Variants in TUBA8 observed in about 807,000 individuals in gnomAD.
TUBA8 encodes the protein tubulin alpha 8.
In TUBA8, 29 loss-of-function variants were observed where a neutral mutation model predicts 34.7. The ratio of observed to expected loss-of-function variants is 0.84; its 90% CI spans 0.62 to 1.14. The LOEUF is 1.14. Ranked by LOEUF, TUBA8 falls within the 50% of genes most tolerant of loss-of-function variation. The pLI, the probability that TUBA8 is intolerant of heterozygous loss-of-function variation, is 0.00. For synonymous variants in TUBA8, 226 were observed against 231.2 expected, an observed-to-expected ratio of 0.98 and a Z score of 0.21; for missense variants, 541 against 599.2, an observed-to-expected ratio of 0.90 and a Z score of 1.01.
intron 4 of TUBA8, chr22:18,128,495 A>G (rs1352487906): frequency 6.6e-6 from 1 of 152,202 alleles, no homozygotes; most frequent in Non-Finnish European, 1.5e-5. Flanking sequence ...CATAACAGCT[A>G]CCACATTCAC....
intron 1 of TUBA8, chr22:18,120,102 G>C (rs1395272230): frequency 6.6e-6 from 1 of 151,934 alleles, no homozygotes; most frequent in African/African-American, 2.4e-5. Flanking sequence ...CACACACACT[G>C]TCTCTCTCCC....
chr22:18,131,206 CAG>C lies in TUBA8; in HGVS notation c.*72_*73del. On this transcript the variant is annotated 3_prime_UTR_variant, in exon 5 of 5. Coordinates refer to ENST00000330423, the MANE Select transcript of TUBA8 (RefSeq NM_018943.3). This position sits in a 1 kb window ranked among gnomAD's most constrained non-coding sequence, Gnocchi z 5.3. ...CATTCAAAGCACATGTTCAAGAGAACAGAACACTCTCCCCGCCCCAGCCTGAT... is the reference window on the plus strand; with the variant it reads ...CATTCAAAGCACATGTTCAAGAGAACAACACTCTCCCCGCCCCAGCCTGAT... 2 of 1,521,972 alleles carry C rather than the reference CAG, an allele frequency of 1.3e-6. No homozygotes were observed. Among genetic ancestry groups the C allele is most frequent in the Non-Finnish European group, 9.1e-7 (1 of 1,101,284 alleles). The allele number at this position is 1,521,972 out of a possible 1,614,324, so 94.3% of individuals were successfully genotyped here.
At position 18,124,085 on chromosome 22, in the gene TUBA8, T is replaced by G. The variant is rs1928242256; in HGVS notation, c.227-71T>G. 1 of 1,595,098 alleles carries G rather than the reference T, an allele frequency of 6.3e-7. No individual in the cohort carries two copies. The highest frequency in any genetic ancestry group is 8.6e-7 in the Non-Finnish European group (1 of 1,164,496). ...AGGTAGGGGAGAACGGAAGGGGTCC[T>G]GCGGTAGTGTGGTAGGGAGGGAGGC... is the stretch of plus-strand genomic sequence containing the variant. On this transcript the variant is annotated intron_variant, in intron 2 of 4. Coordinates refer to ENST00000330423, the MANE Select transcript of TUBA8 (RefSeq NM_018943.3). The surrounding 1 kb of genome is among the most constrained non-coding windows in gnomAD (Gnocchi z 4.3).
intron 1 of TUBA8, chr22:18,120,094 C>G (rs528564133): frequency 3.3e-5 from 5 of 152,432 alleles, no homozygotes; most frequent in African/African-American, 9.6e-5. Context: ...CACACACACA[C>G]ACACACTGTC....
chr22:18,130,962 C>T lies in TUBA8; in HGVS notation c.1176C>T (p.Asp392=). ...TTGCGGAGGCCTGGGCCCGCCTCGA[C>T]CACAAGTTCGACCTCATGTACGCCA... The part of the protein sequence containing the change: ...TAIAEAWARL[D]HKFDLMYAKR... The change falls in exon 5 of 5, where the codon GAC becomes GAT. Residue 392 remains aspartate (D), a synonymous_variant. Coordinates refer to ENST00000330423, the MANE Select transcript of TUBA8 (RefSeq NM_018943.3). The T allele has an allele frequency of 1.2e-6, 2 of 1,614,100 alleles. No individual in the cohort carries two copies. The highest frequency in any genetic ancestry group is 1.7e-6 in the Non-Finnish European group (2 of 1,180,034).
At chr22:18,120,378 G>A (rs1928111609) in intron 1 of TUBA8, 1 of 152,102 alleles carries the variant, frequency 6.6e-6, no homozygotes, top group South Asian at 2.1e-4. Context: ...AAGAACATGT[G>A]GTATTTGGTT....
Position 18,110,916 on chromosome 22 carries a change from G to C in TUBA8, c.3+48G>C, listed in dbSNP as rs58296327. ...GGGCTGCGGGCGCGCGGCAGGCGTAGGACCGAGAGCCGAGTCTACGCGGAG... is the reference window on the plus strand; with the variant it reads ...GGGCTGCGGGCGCGCGGCAGGCGTACGACCGAGAGCCGAGTCTACGCGGAG... On this transcript the variant is annotated intron_variant, in intron 1 of 4. Coordinates refer to ENST00000330423, the MANE Select transcript of TUBA8 (RefSeq NM_018943.3). This position sits in a 1 kb window ranked among gnomAD's most constrained non-coding sequence, Gnocchi z 6.2. 2 of 1,539,210 alleles carry C rather than the reference G, an allele frequency of 1.3e-6. No homozygotes were observed.
intron 4 of TUBA8, chr22:18,130,634 C>T (rs1489709560): frequency 1.1e-5 from 7 of 634,010 alleles, no homozygotes; most frequent in South Asian, 1.9e-5. Flanking sequence ...GCTCTGTTGC[C>T]CTGCCTGCTT....
In TUBA8 at chr22:18,119,629, C is replaced by A. The variant is rs1928085433; in HGVS notation, c.4-1850C>A. The A allele has an allele frequency of 6.6e-6, 1 of 152,358 alleles. No homozygotes were observed. The highest frequency in any genetic ancestry group is 1.5e-5 in the Non-Finnish European group (1 of 68,186). 9.4% of individuals were successfully genotyped at this position (152,358 alleles called of 1,614,324 possible). A position where few individuals can be genotyped will look rare whatever the true frequency, so the allele number is the denominator to read the frequency against. ...CCCCCGTCGGGCTGCCCCACGCTCA[C>A]CCCTGTGCTCATCCTCCCTCAAGGC... On this transcript the variant is annotated intron_variant, in intron 1 of 4. Coordinates refer to ENST00000330423, the MANE Select transcript of TUBA8 (RefSeq NM_018943.3). This position sits in a 1 kb window ranked among gnomAD's most constrained non-coding sequence, Gnocchi z 5.9.
At chr22:18,125,598 T>C (rs1393511924) in intron 3 of TUBA8, 1 of 151,746 alleles carries the variant, frequency 6.6e-6, no homozygotes, top group Non-Finnish European at 1.5e-5. Context: ...AATGGCAAAG[T>C]TGATATTAGA....
intron 1 of TUBA8, chr22:18,114,658 C>T (rs1183590463): frequency 2.0e-5 from 3 of 152,140 alleles, no homozygotes; most frequent in African/African-American, 7.2e-5. Flanking sequence ...TCTATTTTAT[C>T]CCAGCCTGAC....
chr22:18,121,453 A>C lies in TUBA8; in HGVS notation c.4-26A>C. The C allele has an allele frequency of 6.2e-7, 1 of 1,604,994 alleles. No individual in the cohort carries two copies. Among genetic ancestry groups the C allele is most frequent in the Non-Finnish European group, 8.5e-7 (1 of 1,171,738 alleles). ...GCATGCTGGGGGCCCAGACTCTCTG[A>C]CCTCGTTGCTTCCCTCTCCCCACAG... On this transcript the variant is annotated intron_variant, in intron 1 of 4. Transcript: ENST00000330423. This position sits in a 1 kb window ranked among gnomAD's most constrained non-coding sequence, Gnocchi z 4.8.
Position 18,121,515 on chromosome 22 carries a change from G to A in TUBA8, c.40G>A (p.Val14Ile). ...ATCAGTCCACGTGGGCCAAGCGGGA[G>A]TTCAGATTGGCAATGCCTGCTGGGA... ...CISVHVGQAGVQIGNACWELF... is the reference protein window; with the variant it reads ...CISVHVGQAGIQIGNACWELF... The change falls in exon 2 of 5, where the codon GTT (valine) becomes ATT (isoleucine). Residue 14 changes from valine (V) to isoleucine (I), a missense_variant. Coordinates refer to ENST00000330423, the MANE Select transcript of TUBA8 (RefSeq NM_018943.3). This position sits in a 1 kb window ranked among gnomAD's most constrained non-coding sequence, Gnocchi z 4.8. The A allele has an allele frequency of 6.2e-7, 1 of 1,614,230 alleles. No homozygotes were observed. The highest frequency in any genetic ancestry group is 8.5e-7 in the Non-Finnish European group (1 of 1,180,046).
chr22:18,123,962 C>A (rs969322042), intron 2 of TUBA8, 194 bp from the exon 3 acceptor site: 9 of 658,124 alleles, frequency 1.4e-5, no homozygotes, highest in Middle Eastern at 4.1e-4. Flanking sequence ...GAGCCACAGG[C>A]CTTGGCTCTG....
Position 18,126,904 on chromosome 22 carries a change from A to T in TUBA8, c.926A>T (p.His309Leu), listed in dbSNP as rs752617563. The change falls in exon 4 of 5, where the codon CAT (histidine) becomes CTT (leucine). Residue 309 changes from histidine (H) to leucine (L), a missense_variant. His to Leu is a moderately conservative substitution (Grantham distance 99). Coordinates refer to ENST00000330423, the MANE Select transcript of TUBA8 (RefSeq NM_018943.3). The surrounding 1 kb of genome is among the most constrained non-coding windows in gnomAD (Gnocchi z 4.0). Reference protein sequence around the residue: ...NSQMVKCDPRHGKYMACCMLY... With the variant: ...NSQMVKCDPRLGKYMACCMLY... ...CAGATGGTGAAGTGCGACCCGAGAC[A>T]TGGCAAGTACATGGCCTGCTGCATG... 3.7e-6 allele frequency: 6 copies of T among 1,612,100 alleles called. No individual in the cohort carries two copies. In the African/African-American group the frequency reaches 4.0e-5, roughly 11 times the overall value.
chr22:18,122,265 C>T (rs1488025456), intron 2 of TUBA8: 1 of 155,432 alleles, frequency 6.4e-6, no homozygotes, highest in Non-Finnish European at 1.4e-5. Flanking sequence ...TGTTTCTGAC[C>T]CCTGGGTCAA....
rs1169378074 is a variant in TUBA8 at position 18,111,105 on chromosome 22, G to C, written c.3+237G>C. The stretch of plus-strand genomic sequence containing the variant: ...TTGTTCCTTAAAGGGACCTAAGGGA[G>C]CTTTGCGTGCAGACGAGGGGGAGGG... On this transcript the variant is annotated intron_variant, in intron 1 of 4. Coordinates refer to ENST00000330423, the MANE Select transcript of TUBA8 (RefSeq NM_018943.3). The surrounding 1 kb of genome is among the most constrained non-coding windows in gnomAD (Gnocchi z 5.1). 2 of 622,778 alleles carry C rather than the reference G, an allele frequency of 3.2e-6. No homozygotes were observed. The highest frequency in any genetic ancestry group is 5.5e-6 in the Non-Finnish European group (2 of 361,358). 38.6% of individuals were successfully genotyped at this position (622,778 alleles called of 1,614,324 possible).
At chr22:18,117,372 T>A (rs1928004603) in intron 1 of TUBA8, 1 of 152,462 alleles carries the variant, frequency 6.6e-6, no homozygotes, top group Non-Finnish European at 1.5e-5. Flanking sequence ...TTTGATTTGT[T>A]CAAACAAGAA....
intron 4 of TUBA8, chr22:18,128,936 A>G (rs1242260538): frequency 6.6e-6 from 1 of 152,364 alleles, no homozygotes; most frequent in East Asian, 1.9e-4. Flanking sequence ...AGAGATGAGC[A>G]TGCCTCAGTT....
Sources: gnomAD v4.1 joint callset for allele counts on GRCh38, gnomAD v4.1.1 for gene constraint, Gnocchi (gnomAD v3.1) non-coding constraint, MANE v1.5 for transcripts, NCBI Gene and HGNC (gene_info 2026-07-23, HGNC 2026-07-21) for gene names.